Variants in PLBD2 observed in about 807,000 individuals in gnomAD.
PLBD2 encodes putative aminopeptidase PLBD2.
A neutral mutation model predicts 68.3 loss-of-function variants in PLBD2; 51 were observed. The observed-to-expected ratio is 0.75, with a 90% confidence interval of 0.60 to 0.94. PLBD2 has a LOEUF of 0.94. Ranked by LOEUF, PLBD2 falls within the 40% of genes least tolerant of loss-of-function variation. The pLI, the probability that PLBD2 is intolerant of heterozygous loss-of-function variation, is 0.00. For missense variants in PLBD2, 729 were observed against 792.2 expected, an observed-to-expected ratio of 0.92 and a Z score of 0.96; for synonymous variants, 314 against 339.3, an observed-to-expected ratio of 0.93 and a Z score of 0.82.
intron 1 of PLBD2, among the ~76,000 whole-genome samples, chr12:113,363,754 G>T (rs908767446): frequency 1.3e-5 from 2 of 151,938 alleles, no homozygotes; most frequent in African/African-American, 2.4e-5. Flanking sequence ...AGCCAAGATG[G>T]TCTCGATCTC....
At chr12:113,362,191 A>AT (rs1392172670) in intron 1 of PLBD2, among the ~76,000 whole-genome samples, 1 of 152,100 alleles carries the variant, frequency 6.6e-6, no homozygotes. Context: ...GCAAAAAAAA[A>AT]GTAAAAAATT....
Position 113,384,924 on chromosome 12 carries a change from C to T in PLBD2, c.1192C>T (p.Leu398Phe), listed in dbSNP as rs1161415183. Residue 398 changes from leucine (L) to phenylalanine (F), a missense_variant, in exon 8 of 12, where the codon CTT becomes TTT. Coordinates refer to ENST00000280800, the MANE Select transcript of PLBD2 (RefSeq NM_173542.4). This position sits in a 1 kb window ranked among gnomAD's most constrained non-coding sequence, Gnocchi z 4.2. Reference sequence around the variant, plus strand: ...TGGGCCCAGCCCCGGGAGCCGGGTGCTTACCATCCTGGAGCAGATCCCGTG... The same window carrying T: ...TGGGCCCAGCCCCGGGAGCCGGGTGTTTACCATCCTGGAGCAGATCCCGTG... Reference protein sequence around the residue: ...PGGPSPGSRVLTILEQIPGMV... With the variant: ...PGGPSPGSRVFTILEQIPGMV... 6.7e-7 allele frequency: 1 copy of T among 1,501,034 alleles called. No individual in the cohort carries two copies. The highest frequency in any genetic ancestry group is 9.0e-7 in the Non-Finnish European group (1 of 1,108,068). The allele number at this position is 1,501,034 out of a possible 1,614,324, so 93.0% of individuals were successfully genotyped here. A position where few individuals can be genotyped will look rare whatever the true frequency, so the allele number is the denominator to read the frequency against.
intron 1 of PLBD2, among the ~76,000 whole-genome samples, chr12:113,365,396 A>C (rs997632170): frequency 2.7e-5 from 4 of 150,494 alleles, no homozygotes; most frequent in African/African-American, 9.8e-5. Flanking sequence ...ATCTTAGCTT[A>C]CTGTAACCTC....
Position 113,389,621 on chromosome 12 carries a change from T to G in PLBD2, c.*995T>G, listed in dbSNP as rs183687306. 6.6e-6 allele frequency: 1 copy of G among 151,610 alleles called. No homozygotes were observed. Among genetic ancestry groups the G allele is most frequent in the Non-Finnish European group, 1.5e-5 (1 of 67,892 alleles). 9.4% of individuals were successfully genotyped at this position (151,610 alleles called of 1,614,324 possible). A position where few individuals can be genotyped will look rare whatever the true frequency, so the allele number is the denominator to read the frequency against. The stretch of plus-strand genomic sequence containing the variant: ...TCCATCCATCCATCTACCTATCCAT[T>G]TATCATCCATCCACTCACCCATCCA... On this transcript the variant is annotated 3_prime_UTR_variant, in exon 12 of 12. Transcript: ENST00000280800.
chr12:113,385,059 G>T (rs555561596), intron 8 of PLBD2, 113 bp downstream of exon 8: 2 of 1,319,274 alleles, frequency 1.5e-6, no homozygotes, highest in Admixed American at 4.0e-5. Flanking sequence ...GGAGGGTGTG[G>T]CTGGAAGAGA....
intron 6 of PLBD2, among the ~76,000 whole-genome samples, chr12:113,381,438 G>A (rs1197374272): frequency 1.3e-5 from 2 of 152,062 alleles, no homozygotes; most frequent in Non-Finnish European, 1.5e-5. Flanking sequence ...TGAACCCTTT[G>A]ATCTCCAGGG....
At chr12:113,373,683 C>T (rs1957410118) in intron 3 of PLBD2, among the ~76,000 whole-genome samples, 1 of 149,518 alleles carries the variant, frequency 6.7e-6, no homozygotes, top group South Asian at 2.2e-4. Context: ...CACCCATTTA[C>T]CCACCCATCC....
At position 113,389,034 on chromosome 12, in the gene PLBD2, T is replaced by G; in HGVS notation, c.*408T>G. On this transcript the variant is annotated 3_prime_UTR_variant, in exon 12 of 12. Coordinates refer to ENST00000280800, the MANE Select transcript of PLBD2 (RefSeq NM_173542.4). ...TTCCAGCACCCTTCTCCCAGCTGCA[T>G]TCCCACGGGTGGCCCTGGAGCTGGT... is the stretch of plus-strand genomic sequence containing the variant. 1 of 156,950 alleles carries G rather than the reference T, an allele frequency of 6.4e-6. No homozygotes were observed. The highest frequency in any genetic ancestry group is 1.4e-5 in the Non-Finnish European group (1 of 71,396). 9.7% of individuals were successfully genotyped at this position (156,950 alleles called of 1,614,324 possible).
At chr12:113,382,783 A>G (rs1015584958) in intron 6 of PLBD2, among the ~76,000 whole-genome samples, 52 of 144,726 alleles carry the variant, frequency 3.6e-4, no homozygotes, top group African/African-American at 1.2e-3. Flanking sequence ...GGATACAGCT[A>G]TCTTTTAGCT....
chr12:113,381,836 C>G (rs944568475), intron 6 of PLBD2, among the ~76,000 whole-genome samples: 1 of 151,522 alleles, frequency 6.6e-6, no homozygotes, highest in Non-Finnish European at 1.5e-5. Flanking sequence ...TATTTTTTTT[C>G]ATAGAGATAG....
chr12:113,374,722 C>T lies in PLBD2; in HGVS notation c.645-71C>T. 3 of 1,569,904 alleles carry T rather than the reference C, an allele frequency of 1.9e-6. No homozygotes were observed. The South Asian group carries it at 3.4e-5, about 18-fold the overall frequency. On this transcript the variant is annotated intron_variant, in intron 4 of 11. Transcript: ENST00000280800. The stretch of plus-strand genomic sequence containing the variant: ...GACTTCCCAGAGCCTCAGCTTTCTC[C>T]TCTGCAAAATGAGTACATAACAGCA...
intron 2 of PLBD2, among the ~76,000 whole-genome samples, chr12:113,371,128 C>T (rs1213964972): frequency 6.6e-6 from 1 of 152,204 alleles, no homozygotes; most frequent in Non-Finnish European, 1.5e-5. Context: ...TGACAGCTGT[C>T]TCCTGTGATG....
intron 1 of PLBD2, among the ~76,000 whole-genome samples, chr12:113,367,517 A>C (rs1468441082): frequency 6.6e-6 from 1 of 152,140 alleles, no homozygotes; most frequent in Middle Eastern, 3.2e-3. Flanking sequence ...TGGGAGGCCG[A>C]GGCAGGTGGA....
In PLBD2 at chr12:113,391,493, G is replaced by A. The variant is rs1957610113; in HGVS notation, c.*2867G>A. 1 of 152,160 alleles carries A rather than the reference G, an allele frequency of 6.6e-6. No homozygotes were observed. Among genetic ancestry groups the A allele is most frequent in the African/African-American group, 2.4e-5 (1 of 41,438 alleles). 9.4% of individuals were successfully genotyped at this position (152,160 alleles called of 1,614,324 possible). On this transcript the variant is annotated 3_prime_UTR_variant, in exon 12 of 12. Transcript: ENST00000280800. ...GTCCCGGGGATACTTTATAACAAAA[G>A]GGACAGAAGCATTCCTGCTCTTGTG...
chr12:113,365,305 G>A (rs1390783165), intron 1 of PLBD2, among the ~76,000 whole-genome samples: 1 of 151,842 alleles, frequency 6.6e-6, no homozygotes, highest in Non-Finnish European at 1.5e-5. Context: ...TAAAACCCAT[G>A]TCATACGGTT....
chr12:113,379,668 G>A (rs1957467519), intron 5 of PLBD2, among the ~76,000 whole-genome samples: 1 of 151,814 alleles, frequency 6.6e-6, no homozygotes, highest in South Asian at 2.1e-4. Flanking sequence ...AGGGGTGAGG[G>A]TACCTGCCGG....
chr12:113,379,562 T>G (rs1460321904), intron 5 of PLBD2, among the ~76,000 whole-genome samples: 1 of 152,170 alleles, frequency 6.6e-6, no homozygotes, highest in African/African-American at 2.4e-5. Flanking sequence ...GCCTCCAGCA[T>G]AAGCGTGAGG....
At chr12:113,364,883 G>A (rs1435668958) in intron 1 of PLBD2, among the ~76,000 whole-genome samples, 5 of 152,112 alleles carry the variant, frequency 3.3e-5, no homozygotes, top group Admixed American at 6.6e-5. Context: ...TGAGAAAACC[G>A]AGGCCCCGAG....
rs566606625 is a variant in PLBD2, at chr12:113,369,060, A to G, written c.291-56A>G. On this transcript the variant is annotated intron_variant, in intron 1 of 11. Transcript: ENST00000280800. ...TTCATAGTTTAAGCCTGGAGATGCC[A>G]TGTGTCTAGCTGGGGGCCTCTGCTG... is the stretch of plus-strand genomic sequence containing the variant. The G allele has an allele frequency of 1.4e-3, 1,764 of 1,217,540 alleles. 26 individuals carry two copies. Among genetic ancestry groups the G allele is most frequent in the Non-Finnish European group, 3.3e-4 (281 of 850,732 alleles). The allele number at this position is 1,217,540 out of a possible 1,614,324, so 75.4% of individuals were successfully genotyped here.
Sources: gnomAD v4.1 joint callset for allele counts (sites outside exome capture counted in the v4.1 genomes callset) on GRCh38, gnomAD v4.1.1 for gene constraint, Gnocchi (gnomAD v3.1) non-coding constraint, MANE v1.5 for transcripts, NCBI Gene and HGNC (gene_info 2026-07-23, HGNC 2026-07-21) for gene names.